The following PTAR1 variants were observed in gnomAD, a reference collection of about 807,000 sequenced individuals.
PTAR1 encodes protein prenyltransferase alpha subunit repeat containing 1.
Under a neutral mutation model 45.5 loss-of-function variants are expected in PTAR1, and 17 were observed. That is an observed-to-expected ratio of 0.37 (90% CI 0.26 to 0.56). The LOEUF (loss-of-function observed/expected upper bound fraction) is 0.56, where lower values mean the gene tolerates loss of function less well. Ranked by LOEUF, PTAR1 falls within the 20% of genes least tolerant of loss-of-function variation. The probability of loss-of-function intolerance (pLI) is 0.77; values close to 1 mark genes in which losing one functional copy is unlikely to be tolerated. For synonymous variants in PTAR1, 169 were observed against 171.3 expected (o/e 0.99, Z 0.11); for missense variants, 391 against 476.3 (o/e 0.82, Z 1.67).
In PTAR1 at chr9:69,711,710, CA is replaced by C. The variant is rs1436775629; in HGVS notation, c.*6631del. Reference sequence around the variant, plus strand: ...ATTACATTTATTAATATGCCTTGCACAAGAAAATACTACTTAATCTTTCACA... The same window carrying C: ...ATTACATTTATTAATATGCCTTGCACAGAAAATACTACTTAATCTTTCACA... On this transcript the variant is annotated 3_prime_UTR_variant, in exon 8 of 8. Transcript: ENST00000340434. 6.6e-6 allele frequency: 1 copy of C among 152,160 alleles called. No individual in the cohort carries two copies. The highest frequency in any genetic ancestry group is 2.4e-5 in the African/African-American group (1 of 41,450). 9.4% of individuals were successfully genotyped at this position (152,160 alleles called of 1,614,324 possible).
intron 2 of PTAR1, among the ~76,000 whole-genome samples, chr9:69,749,383 T>TG (rs893022595): frequency 1.3e-5 from 2 of 152,140 alleles, no homozygotes; most frequent in African/African-American, 4.8e-5. Context: ...AATAACTTGA[T>TG]GGAGTCATAT....
At chr9:69,746,155 A>C (rs867704971) in intron 2 of PTAR1, among the ~76,000 whole-genome samples, 13 of 152,196 alleles carry the variant, frequency 8.5e-5, no homozygotes, top group Non-Finnish European at 1.6e-4. Flanking sequence ...CTGATATAAG[A>C]AGCTAGGGGT....
intron 6 of PTAR1, among the ~76,000 whole-genome samples, chr9:69,723,003 C>A (rs954605794): frequency 6.7e-6 from 1 of 149,288 alleles, no homozygotes; most frequent in Non-Finnish European, 1.5e-5. Context: ...ATATTAGTAT[C>A]TCCAAGGAAG....
At chr9:69,727,867 G>T (rs1315521391) in intron 5 of PTAR1, among the ~76,000 whole-genome samples, 2 of 152,036 alleles carry the variant, frequency 1.3e-5, no homozygotes, top group Non-Finnish European at 2.9e-5. Context: ...AAATAAATCA[G>T]TGGTTTTTAA....
At chr9:69,738,362 ATTTT>A (rs1182352631) in intron 3 of PTAR1, among the ~76,000 whole-genome samples, 4 of 152,096 alleles carry the variant, frequency 2.6e-5, no homozygotes, top group African/African-American at 9.7e-5. Flanking sequence ...AAAGTCACTG[ATTTT>A]TTTATTTGGT....
intron 3 of PTAR1, among the ~76,000 whole-genome samples, chr9:69,739,758 GT>G (rs1825957974): frequency 6.6e-6 from 1 of 152,138 alleles, no homozygotes; most frequent in African/African-American, 2.4e-5. Flanking sequence ...GTCTTTCTAT[GT>G]CAATCAATCT....
chr9:69,744,403 T>C (rs545467900), intron 2 of PTAR1, among the ~76,000 whole-genome samples: 142 of 146,688 alleles, frequency 9.7e-4, no homozygotes, highest in African/African-American at 3.4e-3. Context: ...TTTTTTTCTC[T>C]GAGACGGAGG....
At position 69,736,458 on chromosome 9, in the gene PTAR1, G is replaced by A. The variant is rs368639890; in HGVS notation, c.324-2204C>T. On this transcript the variant is annotated intron_variant, in intron 3 of 7. Coordinates refer to ENST00000340434, the MANE Select transcript of PTAR1 (RefSeq NM_001099666.2). ...TGTAGTCCCAGCTACTTGGGAGGCT[G>A]AGGCAGGAGAATCGCTTGAACCCAG... Among the ~76,000 whole-genome samples the A allele has an allele frequency of 8.5e-5, 13 of 152,294 alleles. No homozygotes were observed. The East Asian group carries it at 2.3e-3, about 27-fold the overall frequency.
Position 69,750,965 on chromosome 9 carries a change from C to T in PTAR1, c.87-15G>A. The T allele has an allele frequency of 6.7e-7, 1 of 1,503,488 alleles. No homozygotes were observed. Among genetic ancestry groups the T allele is most frequent in the Non-Finnish European group, 8.9e-7 (1 of 1,122,540 alleles). 93.1% of individuals were successfully genotyped at this position (1,503,488 alleles called of 1,614,324 possible). A position where few individuals can be genotyped will look rare whatever the true frequency, so the allele number is the denominator to read the frequency against. Reference sequence around the variant, plus strand: ...CAATTTCATCTCTTAATATGTAAAACATAAAAAAGAATTAAAAATAAGGAT... The same window carrying T: ...CAATTTCATCTCTTAATATGTAAAATATAAAAAAGAATTAAAAATAAGGAT... On this transcript the variant is annotated splice_polypyrimidine_tract_variant and intron_variant, in intron 1 of 7. Coordinates refer to ENST00000340434, the MANE Select transcript of PTAR1 (RefSeq NM_001099666.2).
intron 5 of PTAR1, among the ~76,000 whole-genome samples, chr9:69,730,453 C>T (rs538270616): frequency 6.7e-4 from 102 of 151,332 alleles, no homozygotes; most frequent in Admixed American, 2.1e-3. Flanking sequence ...CTCCGCCTTC[C>T]TTTTTATCCC....
At chr9:69,751,676 G>A (rs574616450) in intron 1 of PTAR1, among the ~76,000 whole-genome samples, 61 of 152,040 alleles carry the variant, frequency 4.0e-4, no homozygotes, top group Non-Finnish European at 7.4e-4. Context: ...GCTAATAAAT[G>A]CATGTGGACC....
At chr9:69,741,908 G>T in intron 2 of PTAR1, 50 bp from the exon 3 acceptor site, 1 of 1,164,402 alleles carries the variant, frequency 8.6e-7, no homozygotes, top group Non-Finnish European at 1.3e-6. Flanking sequence ...ACCTTTTAAA[G>T]CTTGGCTTCT....
rs777963816 is a variant in PTAR1 at position 69,718,863 on chromosome 9, CA to C, written c.948-180del. On this transcript the variant is annotated intron_variant, in intron 6 of 7. Transcript: ENST00000340434. Reference sequence around the variant, plus strand: ...GAGATGATGTTCCAGGATATTTGGACAAAGAAAGCCTTATAACTCCAGCTTA... The same window carrying C: ...GAGATGATGTTCCAGGATATTTGGACAAGAAAGCCTTATAACTCCAGCTTA... 1.3e-3 allele frequency among the ~76,000 whole-genome samples: 195 copies of C among 152,166 alleles called. 1 individual carries two copies. Among genetic ancestry groups the C allele is most frequent in the Non-Finnish European group, 2.4e-3 (165 of 67,996 alleles).
intron 5 of PTAR1, among the ~76,000 whole-genome samples, chr9:69,730,279 T>A (rs1241783612): frequency 1.3e-5 from 2 of 152,002 alleles, no homozygotes; most frequent in African/African-American, 4.8e-5. Flanking sequence ...AGCTCACCAT[T>A]AATGAGTTAT....
chr9:69,743,971 A>T (rs977483665), intron 2 of PTAR1, among the ~76,000 whole-genome samples: 1 of 152,228 alleles, frequency 6.6e-6, no homozygotes, highest in African/African-American at 2.4e-5. Context: ...TAAATAAATA[A>T]AGTGGTCACG....
chr9:69,729,658 A>G (rs1465817517), intron 5 of PTAR1, among the ~76,000 whole-genome samples: 1 of 152,112 alleles, frequency 6.6e-6, no homozygotes, highest in Non-Finnish European at 1.5e-5. Flanking sequence ...CCTTTTCCGG[A>G]TGAGAAAACT....
chr9:69,753,142 T>A (rs905273481), intron 1 of PTAR1, among the ~76,000 whole-genome samples: 1 of 53,098 alleles, frequency 1.9e-5, no homozygotes, highest in Non-Finnish European at 5.1e-5. Context: ...TGGGGGGGAT[T>A]TTTTTTTTAA....
At chr9:69,736,353 T>C (rs968822084) in intron 3 of PTAR1, among the ~76,000 whole-genome samples, 15 of 152,274 alleles carry the variant, frequency 9.9e-5, no homozygotes, top group African/African-American at 3.4e-4. Flanking sequence ...GGTCAAGAGA[T>C]TGAGACCATC....
At position 69,723,649 on chromosome 9, in the gene PTAR1, G is replaced by C. The variant is rs764044973; in HGVS notation, c.643-19C>G. The C allele has an allele frequency of 6.4e-7, 1 of 1,570,294 alleles. No individual in the cohort carries two copies. Among genetic ancestry groups the C allele is most frequent in the African/African-American group, 1.4e-5 (1 of 73,144 alleles). On this transcript the variant is annotated intron_variant, in intron 5 of 7. Transcript: ENST00000340434. Reference sequence around the variant, plus strand: ...GAAGAATCTTTTAAGAAGAAAAAAGGGAAGTAAGAAGAAGAGTTCCCAAAG... The same window carrying C: ...GAAGAATCTTTTAAGAAGAAAAAAGCGAAGTAAGAAGAAGAGTTCCCAAAG...
Sources: allele counts gnomAD v4.1 joint callset (sites outside exome capture counted in the v4.1 genomes callset), GRCh38; gene constraint gnomAD v4.1.1; transcripts MANE v1.5; gene names NCBI Gene and HGNC (gene_info 2026-07-23, HGNC 2026-07-21).